HRH1: variants seen among roughly 807,000 people sequenced by gnomAD.
HRH1 encodes histamine receptor H1.
HRH1 carries 6 observed loss-of-function variants against 10.3 expected under a neutral mutation model. The observed-to-expected ratio is 0.58, with a 90% CI of 0.32 to 1.15. HRH1 has a LOEUF of 1.15. HRH1 is among the 50% of genes most tolerant of loss of function. HRH1 has a pLI of 0.05. For synonymous variants in HRH1, 242 were observed against 236.7 expected (o/e 1.02, Z -0.21); for missense variants, 514 against 615.3 (o/e 0.84, Z 1.74).
At chr3:11,206,153 C>T (rs919187901) in intron 1 of HRH1, among the ~76,000 whole-genome samples, 5 of 151,610 alleles carry the variant, frequency 3.3e-5, no homozygotes, top group African/African-American at 1.2e-4. Flanking sequence ...CTTGCTCTGT[C>T]ACCCAGGCTG....
At position 11,260,185 on chromosome 3, in the gene HRH1, G is replaced by T; in HGVS notation, c.1148G>T (p.Gly383Val). Residue 383 changes from glycine (G) to valine (V), a missense_variant, in exon 2 of 2, where the codon GGC (glycine) becomes GTC (valine). By Grantham distance (109) the Gly-to-Val change is moderately radical. Coordinates refer to ENST00000431010, the MANE Select transcript of HRH1 (RefSeq NM_001098212.2). Reference sequence around the variant, plus strand: ...AAATTGAGGAGTGGGTCTAACACAGGCCTGGATTACATCAAGTTTACTTGG... The same window carrying T: ...AAATTGAGGAGTGGGTCTAACACAGTCCTGGATTACATCAAGTTTACTTGG... ...KGKLRSGSNT[G>V]LDYIKFTWKR... 2 of 1,614,030 alleles carry T rather than the reference G, an allele frequency of 1.2e-6. No homozygotes were observed. The highest frequency in any genetic ancestry group is 2.2e-5 in the East Asian group (1 of 44,870).
At chr3:11,172,765 G>A (rs1248947738) in intron 1 of HRH1, among the ~76,000 whole-genome samples, 2 of 148,474 alleles carry the variant, frequency 1.3e-5, no homozygotes, top group South Asian at 2.2e-4. Flanking sequence ...TGCAGTAGGC[G>A]ATCTCGGCTC....
intron 1 of HRH1, among the ~76,000 whole-genome samples, chr3:11,165,164 G>A (rs1188505005): frequency 6.6e-6 from 1 of 152,204 alleles, no homozygotes; most frequent in Non-Finnish European, 1.5e-5. Flanking sequence ...AAGTAACAAG[G>A]TTGAAATGGA....
At chr3:11,208,060 C>T (rs955738691) in intron 1 of HRH1, among the ~76,000 whole-genome samples, 14 of 152,182 alleles carry the variant, frequency 9.2e-5, no homozygotes, top group African/African-American at 1.2e-4. Context: ...TTTCACACTC[C>T]CCTTTGCCAT....
At chr3:11,256,610 C>G (rs1939789577) in intron 1 of HRH1, among the ~76,000 whole-genome samples, 1 of 151,930 alleles carries the variant, frequency 6.6e-6, no homozygotes, top group Non-Finnish European at 1.5e-5. Context: ...AGGATCCTGG[C>G]TGATATGGTG....
rs561933215 is a variant in HRH1, at chr3:11,224,758, C to T, written c.-35-34245C>T. 1.5e-4 allele frequency among the ~76,000 whole-genome samples: 23 copies of T among 152,048 alleles called. No individual in the cohort carries two copies. The South Asian group carries it at 4.6e-3, about 30-fold the overall frequency. Reference sequence around the variant, plus strand: ...GTCAGGCAGCCCTTGCTTTCAAGCCCAGTGGGCCTCATAACTGTGAGGTTG... The same window carrying T: ...GTCAGGCAGCCCTTGCTTTCAAGCCTAGTGGGCCTCATAACTGTGAGGTTG... On this transcript the variant is annotated intron_variant, in intron 1 of 1. Transcript: ENST00000431010.
At chr3:11,178,714 C>A (rs1937292483) in intron 1 of HRH1, among the ~76,000 whole-genome samples, 1 of 152,178 alleles carries the variant, frequency 6.6e-6, no homozygotes, top group South Asian at 2.1e-4. Flanking sequence ...ACTTCAGGGT[C>A]CTCCTGTGGG....
chr3:11,184,468 C>A (rs887406665), intron 1 of HRH1, among the ~76,000 whole-genome samples: 1 of 152,102 alleles, frequency 6.6e-6, no homozygotes, highest in African/African-American at 2.4e-5. Flanking sequence ...TGGAGCACAG[C>A]CTACCCTCTT....
chr3:11,220,587 A>G (rs552456632), intron 1 of HRH1, among the ~76,000 whole-genome samples: 1 of 152,296 alleles, frequency 6.6e-6, no homozygotes, highest in African/African-American at 2.4e-5. Flanking sequence ...CACAGCTGAG[A>G]CGGTAAATTG....
chr3:11,219,628 G>A (rs1459087438), intron 1 of HRH1, among the ~76,000 whole-genome samples: 1 of 147,576 alleles, frequency 6.8e-6, no homozygotes, highest in African/African-American at 2.5e-5. Flanking sequence ...CAGGAGAATC[G>A]CTTGGACCCG....
At chr3:11,153,316 G>A (rs1936689108), upstream of HRH1, among the ~76,000 whole-genome samples, 1 of 152,114 alleles carries the variant, frequency 6.6e-6, no homozygotes, top group Non-Finnish European at 1.5e-5. Flanking sequence ...CTGACACAAT[G>A]GCCCCTGTCT....
At chr3:11,213,429 G>A (rs1212383956) in intron 1 of HRH1, among the ~76,000 whole-genome samples, 1 of 152,218 alleles carries the variant, frequency 6.6e-6, no homozygotes, top group Non-Finnish European at 1.5e-5. Flanking sequence ...GATAATACAA[G>A]TCTGTTTGTA....
intron 1 of HRH1, among the ~76,000 whole-genome samples, chr3:11,141,259 T>C (rs1936287267): frequency 6.6e-6 from 1 of 152,232 alleles, no homozygotes; most frequent in South Asian, 2.1e-4. Flanking sequence ...ACAGCATTAC[T>C]GGAAGGGTTA....
intron 1 of HRH1, among the ~76,000 whole-genome samples, chr3:11,237,736 CGTG>C (rs1939224955): frequency 1.6e-5 from 2 of 123,798 alleles, no homozygotes; most frequent in Non-Finnish European, 3.1e-5. Context: ...AGTGCAGTGG[CGTG>C]ATCTCAGCTC....
chr3:11,232,332 T>G (rs572016416), intron 1 of HRH1, among the ~76,000 whole-genome samples: 357 of 152,310 alleles, frequency 2.3e-3, no homozygotes, highest in Non-Finnish European at 3.3e-3. Context: ...GTTCATTTTT[T>G]GCCTATGACG....
At chr3:11,258,678 G>A (rs1262370853) in intron 1 of HRH1, among the ~76,000 whole-genome samples, 3 of 152,082 alleles carry the variant, frequency 2.0e-5, no homozygotes, top group African/African-American at 2.4e-5. Context: ...GAACATGTGC[G>A]GAATTAGATT....
At chr3:11,165,442 T>C (rs1937012057) in intron 1 of HRH1, among the ~76,000 whole-genome samples, 1 of 152,132 alleles carries the variant, frequency 6.6e-6, no homozygotes, top group Non-Finnish European at 1.5e-5. Flanking sequence ...TATTAAGTGC[T>C]CCCCAATACC....
intron 1 of HRH1, among the ~76,000 whole-genome samples, chr3:11,221,212 C>G (rs181707757): frequency 6.6e-5 from 10 of 152,216 alleles, no homozygotes; most frequent in Non-Finnish European, 1.0e-4. Flanking sequence ...CTTTAAGGAG[C>G]TGTTTAGTTT....
At chr3:11,198,130 C>T (rs367624132) in intron 1 of HRH1, among the ~76,000 whole-genome samples, 24 of 152,252 alleles carry the variant, frequency 1.6e-4, no homozygotes, top group East Asian at 1.5e-3. Flanking sequence ...CTTCAGGCTC[C>T]GCATCTGCAA....
Sources: gnomAD v4.1 joint callset for allele counts (sites outside exome capture counted in the v4.1 genomes callset) on GRCh38, gnomAD v4.1.1 for gene constraint, MANE v1.5 for transcripts, NCBI Gene and HGNC (gene_info 2026-07-23, HGNC 2026-07-21) for gene names.